The following KAZN variants were observed in gnomAD, a reference collection of about 807,000 sequenced individuals.
KAZN encodes kazrin.
A neutral mutation model predicts 87.4 loss-of-function variants in KAZN; 40 were observed. That is an observed-to-expected ratio of 0.46 (90% CI 0.36 to 0.60). KAZN has a LOEUF of 0.60. KAZN is among the 20% of genes least tolerant of loss of function. The probability of loss-of-function intolerance (pLI) is 0.00; values close to 1 mark genes in which losing one functional copy is unlikely to be tolerated. For synonymous variants in KAZN, 466 were observed against 458.3 expected, an observed-to-expected ratio of 1.02 and a Z score of -0.22; for missense variants, 898 against 1,073.9, an observed-to-expected ratio of 0.84 and a Z score of 2.29.
intron 2 of KAZN, among the ~76,000 whole-genome samples, chr1:14,386,098 G>C (rs1266484182): frequency 2.0e-5 from 3 of 148,848 alleles, no homozygotes; most frequent in Non-Finnish European, 3.0e-5. Context: ...GATCTTTGTT[G>C]GTTTAAAGTC....
intron 1 of KAZN, among the ~76,000 whole-genome samples, chr1:14,699,778 T>A (rs1641819568): frequency 6.6e-6 from 1 of 152,170 alleles, no homozygotes; most frequent in East Asian, 1.9e-4. Context: ...CAGGTCTGAT[T>A]TGCGGAGTTT....
chr1:14,425,998 C>T (rs1021612408), intron 2 of KAZN, among the ~76,000 whole-genome samples: 4 of 152,220 alleles, frequency 2.6e-5, no homozygotes, highest in Non-Finnish European at 5.9e-5. Context: ...CGTAAATTGA[C>T]AGTCTCTGTT....
chr1:14,921,424 C>G (rs1016359334), intron 1 of KAZN, among the ~76,000 whole-genome samples: 15 of 152,164 alleles, frequency 9.9e-5, no homozygotes, highest in African/African-American at 3.6e-4. Flanking sequence ...CTCTTCCTCC[C>G]TTTCCTTCTT....
At chr1:14,956,914 G>A (rs1227784049) in intron 1 of KAZN, among the ~76,000 whole-genome samples, 1 of 151,984 alleles carries the variant, frequency 6.6e-6, no homozygotes, top group Non-Finnish European at 1.5e-5. Context: ...CCCATTTCCT[G>A]GTCACTCAAG....
chr1:14,686,044 C>G (rs891775422), intron 1 of KAZN, among the ~76,000 whole-genome samples: 4 of 152,142 alleles, frequency 2.6e-5, no homozygotes, highest in Non-Finnish European at 4.4e-5. Flanking sequence ...TACACAACCT[C>G]CATCAGCCTC....
chr1:14,832,151 G>A lies in KAZN; in HGVS notation c.227-128533G>A, dbSNP rs142450216. 9.8e-3 allele frequency among the ~76,000 whole-genome samples: 1,477 copies of A among 150,574 alleles called. 12 individuals carry two copies. Among genetic ancestry groups the A allele is most frequent in the Middle Eastern group, 0.031 (9 of 288 alleles). ...GCAGAGGTTGCAGTGAGCAGAGATCGCACCATTGCGCTCCAGCCTGGGCAA... is the reference window on the plus strand; with the variant it reads ...GCAGAGGTTGCAGTGAGCAGAGATCACACCATTGCGCTCCAGCCTGGGCAA... On this transcript the variant is annotated intron_variant, in intron 1 of 14. Transcript: ENST00000376030.
At chr1:14,965,087 A>G (rs1314341872) in intron 2 of KAZN, among the ~76,000 whole-genome samples, 1 of 150,970 alleles carries the variant, frequency 6.6e-6, no homozygotes, top group African/African-American at 2.4e-5. Context: ...CTTGGAGTAC[A>G]CTGGTGCAAT....
intron 1 of KAZN, among the ~76,000 whole-genome samples, chr1:14,877,921 C>T (rs934040353): frequency 2.6e-5 from 4 of 152,046 alleles, no homozygotes; most frequent in East Asian, 1.9e-4. Flanking sequence ...CCCAGTGTCT[C>T]GATGGACCCT....
At chr1:14,207,035 C>T (rs1646761430) in intron 2 of KAZN, among the ~76,000 whole-genome samples, 1 of 151,058 alleles carries the variant, frequency 6.6e-6, no homozygotes, top group African/African-American at 2.4e-5. Flanking sequence ...GTAATCTCAG[C>T]TCACTGCAAC....
intron 2 of KAZN, among the ~76,000 whole-genome samples, chr1:14,991,974 G>A (rs1370282095): frequency 6.6e-6 from 1 of 152,186 alleles, no homozygotes; most frequent in Non-Finnish European, 1.5e-5. Flanking sequence ...TGTGGGGTGG[G>A]GTTGTCACCA....
chr1:14,990,171 T>C (rs1488994806), intron 2 of KAZN, among the ~76,000 whole-genome samples: 1 of 152,196 alleles, frequency 6.6e-6, no homozygotes, highest in Non-Finnish European at 1.5e-5. Context: ...CAGCAAACTG[T>C]GGCTGGCCCT....
At chr1:14,395,707 C>T (rs1249334970) in intron 2 of KAZN, among the ~76,000 whole-genome samples, 1 of 152,092 alleles carries the variant, frequency 6.6e-6, no homozygotes, top group African/African-American at 2.4e-5. Context: ...TGTCAGCCTC[C>T]CAGGGAAAGA....
At chr1:14,653,489 G>A (rs927202734) in intron 1 of KAZN, among the ~76,000 whole-genome samples, 4 of 152,172 alleles carry the variant, frequency 2.6e-5, no homozygotes, top group Admixed American at 6.5e-5. Flanking sequence ...GGCCCGGGGC[G>A]GCCAGACCGG....
intron 4 of KAZN, 111 bp downstream of exon 4, chr1:15,044,270 G>GCC: frequency 7.3e-6 from 3 of 413,326 alleles, no homozygotes; most frequent in Non-Finnish European, 8.4e-6. Context: ...GGTGGGTGGG[G>GCC]CAGAGCAGAA....
intron 1 of KAZN, among the ~76,000 whole-genome samples, chr1:14,612,795 T>A (rs1233789394): frequency 6.6e-6 from 1 of 152,210 alleles, no homozygotes; most frequent in Admixed American, 6.5e-5. Context: ...AATGTCCTTT[T>A]GGGGATGAAA....
At chr1:14,114,437 C>G (rs1483857739) in intron 1 of KAZN, among the ~76,000 whole-genome samples, 2 of 152,064 alleles carry the variant, frequency 1.3e-5, no homozygotes, top group African/African-American at 2.4e-5. Flanking sequence ...AAACCACACT[C>G]TACTCTCCAG....
chr1:14,164,816 G>A (rs1645790197), intron 1 of KAZN, among the ~76,000 whole-genome samples: 1 of 152,120 alleles, frequency 6.6e-6, no homozygotes, highest in African/African-American at 2.4e-5. Context: ...TGGGATTACA[G>A]GCATGAGCCA....
intron 1 of KAZN, among the ~76,000 whole-genome samples, chr1:14,668,597 C>T (rs1557876667): frequency 6.6e-6 from 1 of 152,126 alleles, no homozygotes; most frequent in Non-Finnish European, 1.5e-5. Flanking sequence ...CCACCTGTCC[C>T]TCCCCACTTC....
At position 15,094,067 on chromosome 1, in the gene KAZN, T is replaced by G; in HGVS notation, c.1223-113T>G. On this transcript the variant is annotated intron_variant, in intron 8 of 14. Coordinates refer to ENST00000376030, the MANE Select transcript of KAZN (RefSeq NM_201628.3). This position sits in a 1 kb window ranked among gnomAD's most constrained non-coding sequence, Gnocchi z 4.5. Reference sequence around the variant, plus strand: ...AAAGCCACTTTGATTTTGAAGAGAATACATGGAGGGGAGGATGTCCCCACC... The same window carrying G: ...AAAGCCACTTTGATTTTGAAGAGAAGACATGGAGGGGAGGATGTCCCCACC... 1 of 852,090 alleles carries G rather than the reference T, an allele frequency of 1.2e-6. No homozygotes were observed. Among genetic ancestry groups the G allele is most frequent in the Non-Finnish European group, 1.8e-6 (1 of 551,214 alleles). 52.8% of individuals were successfully genotyped at this position (852,090 alleles called of 1,614,324 possible).
Sources: allele counts gnomAD v4.1 joint callset (sites outside exome capture counted in the v4.1 genomes callset), GRCh38; gene constraint gnomAD v4.1.1; non-coding constraint Gnocchi (gnomAD v3.1); transcripts MANE v1.5; gene names NCBI Gene and HGNC (gene_info 2026-07-23, HGNC 2026-07-21).